MMS19: variants seen among roughly 807,000 people sequenced by gnomAD.
MMS19 encodes the protein MMS19 nucleotide excision repair protein homolog.
Under a neutral mutation model 129.8 loss-of-function variants are expected in MMS19, and 77 were observed. The ratio of observed to expected loss-of-function variants is 0.59; its 90% confidence interval spans 0.49 to 0.72. The LOEUF (loss-of-function observed/expected upper bound fraction) is 0.72, where lower values mean the gene tolerates loss of function less well. MMS19 is among the 30% of genes least tolerant of loss of function. The probability of loss-of-function intolerance (pLI) is 0.00; values close to 1 mark genes in which losing one functional copy is unlikely to be tolerated. For synonymous variants in MMS19, 491 were observed against 502.8 expected, an observed-to-expected ratio of 0.98 and a Z score of 0.31; for missense variants, 1,168 against 1,266.3, an observed-to-expected ratio of 0.92 and a Z score of 1.18.
chr10:97,461,942 G>A (rs753291249), intron 21 of MMS19, 46 bp from the exon 22 acceptor site: 22 of 1,573,450 alleles, frequency 1.4e-5, no homozygotes, highest in African/African-American at 4.1e-5. Context: ...CAATAAGCTT[G>A]TCTGCCCCTC....
intron 3 of MMS19, among the ~76,000 whole-genome samples, chr10:97,480,600 G>T (rs2036608701): frequency 6.6e-6 from 1 of 151,950 alleles, no homozygotes; most frequent in African/African-American, 2.4e-5. Context: ...TTTCTTTTTT[G>T]AGATGGAGTC....
intron 1 of MMS19, among the ~76,000 whole-genome samples, chr10:97,494,177 C>T (rs2039418873): frequency 6.6e-6 from 1 of 152,188 alleles, no homozygotes; most frequent in Non-Finnish European, 1.5e-5. Flanking sequence ...GTTCATTTCC[C>T]TTTATAGGAG....
At chr10:97,487,419 TG>T (rs2038104843) in intron 1 of MMS19, among the ~76,000 whole-genome samples, 1 of 151,232 alleles carries the variant, frequency 6.6e-6, no homozygotes. Flanking sequence ...CCCGGGTTCA[TG>T]CCATTCTCCT....
At chr10:97,484,055 A>G in intron 2 of MMS19, 48 bp downstream of exon 2, 1 of 1,291,788 alleles carries the variant, frequency 7.7e-7, no homozygotes, top group South Asian at 1.4e-5. Flanking sequence ...ACTTTTCAGA[A>G]TACACAGTCA....
chr10:97,460,578 G>C (rs1034846983), intron 25 of MMS19, 117 bp downstream of exon 25: 8 of 918,852 alleles, frequency 8.7e-6, no homozygotes, highest in African/African-American at 3.3e-5. Context: ...TCTCCAAAAA[G>C]AAAAAAGAAA....
intron 1 of MMS19, among the ~76,000 whole-genome samples, chr10:97,493,125 C>T (rs2039207487): frequency 6.6e-6 from 1 of 151,986 alleles, no homozygotes; most frequent in South Asian, 2.1e-4. Flanking sequence ...GATTCTCCTA[C>T]CTCAGCCTCC....
In MMS19 at chr10:97,477,263, C is replaced by T. The variant is rs2035936425; in HGVS notation, c.493+84G>A. 5.6e-6 allele frequency: 9 copies of T among 1,608,408 alleles called. No homozygotes were observed. In the South Asian group the frequency reaches 8.9e-5, roughly 16 times the overall value. ...TCAGGATACCAGCTCTTCTATATAA[C>T]CCCAGGTAAAATGAGTCCTACTAAT... On this transcript the variant is annotated intron_variant, in intron 6 of 30. Coordinates refer to ENST00000438925, the MANE Select transcript of MMS19 (RefSeq NM_022362.5).
upstream of MMS19, chr10:97,498,599 C>G (rs2040248105): frequency 1.8e-6 from 1 of 554,960 alleles, no homozygotes; most frequent in African/African-American, 2.0e-5. Context: ...GGCACGCAGC[C>G]GGAGGCGATT....
chr10:97,467,825 A>AGGCCTG (rs2033838787), intron 13 of MMS19, among the ~76,000 whole-genome samples: 1 of 148,568 alleles, frequency 6.7e-6, no homozygotes, highest in African/African-American at 2.5e-5. Flanking sequence ...CACCTTATCC[A>AGGCCTG]GCTAATTTTT....
At chr10:97,482,577 G>A (rs144582685) in intron 2 of MMS19, among the ~76,000 whole-genome samples, 3 of 152,174 alleles carry the variant, frequency 2.0e-5, no homozygotes, top group Non-Finnish European at 4.4e-5. Context: ...TCTTTCTGGA[G>A]TAATGAAAAT....
Position 97,462,586 on chromosome 10 carries a change from G to A in MMS19, c.2009C>T (p.Pro670Leu). ...CCACATCCATGATTATACTTACTCA[G>A]GGCTCAGGTGGGTTGTAGCAGTGCC... is the stretch of plus-strand genomic sequence containing the variant. ...VIGTATTHLS[P>L]ELAAQSVTHI... Residue 670 changes from proline to leucine, a missense_variant, in exon 20 of 31, where the codon CCT becomes CTT. Pro to Leu is a moderately conservative substitution (Grantham distance 98, BLOSUM62 -3). This residue lies in a region of MMS19 where 831 missense variants were observed against 910.8 expected (regional missense o/e 0.91). Coordinates refer to ENST00000438925, the MANE Select transcript of MMS19 (RefSeq NM_022362.5). 6.2e-7 allele frequency: 1 copy of A among 1,611,860 alleles called. No homozygotes were observed. The highest frequency in any genetic ancestry group is 8.5e-7 in the Non-Finnish European group (1 of 1,177,966).
intron 3 of MMS19, 81 bp downstream of exon 3, chr10:97,480,861 G>T: frequency 2.2e-6 from 2 of 903,258 alleles, no homozygotes; most frequent in Non-Finnish European, 3.6e-6. Context: ...CTCCCTCCCT[G>T]CCTGTAAAGT....
chr10:97,493,692 T>C (rs539159049), intron 1 of MMS19, among the ~76,000 whole-genome samples: 29 of 152,236 alleles, frequency 1.9e-4, no homozygotes, highest in Non-Finnish European at 3.1e-4. Context: ...AAGTGATTAA[T>C]TCTTTTAATG....
At chr10:97,464,073 A>G (rs2133342060) in intron 18 of MMS19, 60 bp from the exon 19 acceptor site, 6 of 1,482,582 alleles carry the variant, frequency 4.0e-6, no homozygotes, top group South Asian at 3.6e-5. Flanking sequence ...GGTGTTTCCA[A>G]TTACACAGCA....
chr10:97,475,483 T>A (rs1262934043), intron 8 of MMS19, among the ~76,000 whole-genome samples: 1 of 152,200 alleles, frequency 6.6e-6, no homozygotes, highest in African/African-American at 2.4e-5. Flanking sequence ...ACGCCTGTAA[T>A]CCCAGCACTT....
At position 97,470,756 on chromosome 10, in the gene MMS19, T is replaced by C. The variant is rs764542856; in HGVS notation, c.771+19A>G. The C allele has an allele frequency of 2.4e-5, 38 of 1,561,410 alleles. No individual in the cohort carries two copies. The Admixed American group carries it at 5.5e-4, about 23-fold the overall frequency. ...ATCTATGGGCAGAGGCTATATACCCTAACCTTGGCTAGACCCACCTCAGCA... is the reference window on the plus strand; with the variant it reads ...ATCTATGGGCAGAGGCTATATACCCCAACCTTGGCTAGACCCACCTCAGCA... On this transcript the variant is annotated intron_variant, in intron 9 of 30. Coordinates refer to ENST00000438925, the MANE Select transcript of MMS19 (RefSeq NM_022362.5).
intron 8 of MMS19, among the ~76,000 whole-genome samples, chr10:97,473,237 T>C (rs1307645611): frequency 6.6e-6 from 1 of 151,968 alleles, no homozygotes; most frequent in Non-Finnish European, 1.5e-5. Context: ...GATTCCACCA[T>C]GTTGGTCAGG....
rs1423025336 is a variant in MMS19 at position 97,466,206 on chromosome 10, C to T, written c.1506-47G>A. 4.1e-6 allele frequency: 6 copies of T among 1,457,834 alleles called. No individual in the cohort carries two copies. In the East Asian group the frequency reaches 1.2e-4, roughly 30 times the overall value. 90.3% of individuals were successfully genotyped at this position (1,457,834 alleles called of 1,614,324 possible). ...GCATTGGCTGAGCCTGGGCTCACAG[C>T]TCTCTTGCCTACGTCTGATATTAGG... On this transcript the variant is annotated intron_variant, in intron 16 of 30. Transcript: ENST00000438925.
chr10:97,497,430 GT>G (rs957754776), intron 1 of MMS19, among the ~76,000 whole-genome samples: 1 of 151,624 alleles, frequency 6.6e-6, no homozygotes, highest in African/African-American at 2.4e-5. Context: ...AATTTCCAAA[GT>G]TTTTTTAAAA....
Sources: allele counts gnomAD v4.1 joint callset (sites outside exome capture counted in the v4.1 genomes callset), GRCh38; gene constraint gnomAD v4.1.1; regional missense constraint gnomAD v4.1.1; transcripts MANE v1.5; gene names NCBI Gene and HGNC (gene_info 2026-07-23, HGNC 2026-07-21).